ANKRD27: variants seen among roughly 807,000 people sequenced by gnomAD.
ANKRD27 encodes ankyrin repeat domain 27.
In ANKRD27, 112 loss-of-function variants were observed where a neutral mutation model predicts 129.7. The ratio of observed to expected loss-of-function variants is 0.86; its 90% confidence interval spans 0.74 to 1.01. The LOEUF is 1.01. Ranked by LOEUF, ANKRD27 falls within the 50% of genes least tolerant of loss-of-function variation. ANKRD27 has a pLI of 0.00. For missense variants in ANKRD27, 1,258 were observed against 1,300.5 expected (o/e 0.97, Z 0.50); for synonymous variants, 516 against 511.2 (o/e 1.01, Z -0.13).
At chr19:32,614,708 A>T (rs1180715706) in intron 22 of ANKRD27, among the ~76,000 whole-genome samples, 1 of 152,128 alleles carries the variant, frequency 6.6e-6, no homozygotes, top group Non-Finnish European at 1.5e-5. Flanking sequence ...TAAATAAATA[A>T]AAAGAACAAG....
chr19:32,600,264 G>T, intron 26 of ANKRD27: 1 of 428,568 alleles, frequency 2.3e-6, no homozygotes, highest in Admixed American at 3.5e-5. Context: ...CACAGGCTGG[G>T]TGCAGTGGCT....
In ANKRD27 at chr19:32,608,506, T is replaced by TAA; in HGVS notation, c.2176-675_2176-674insTT. 3 of 231,858 alleles carry TAA rather than the reference T, an allele frequency of 1.3e-5. No individual in the cohort carries two copies. The Admixed American group carries it at 1.5e-4, about 11-fold the overall frequency. 14.4% of individuals were successfully genotyped at this position (231,858 alleles called of 1,614,324 possible). Reference sequence around the variant, plus strand: ...TTTGATGATTAAAAATGTTACCTCTTTAAAAAAAAAAACTGTATGCTAAAT... The same window carrying TAA: ...TTTGATGATTAAAAATGTTACCTCTTAATAAAAAAAAAAACTGTATGCTAAAT... On this transcript the variant is annotated intron_variant, in intron 22 of 28. Coordinates refer to ENST00000306065, the MANE Select transcript of ANKRD27 (RefSeq NM_032139.3).
chr19:32,625,794 T>C, intron 17 of ANKRD27, 80 bp downstream of exon 17: 1 of 1,192,018 alleles, frequency 8.4e-7, no homozygotes, highest in Non-Finnish European at 1.1e-6. Flanking sequence ...CGACACAAAA[T>C]ACATTAATGA....
chr19:32,624,861 A>G (rs1344515442), intron 17 of ANKRD27, among the ~76,000 whole-genome samples: 1 of 152,122 alleles, frequency 6.6e-6, no homozygotes, highest in Non-Finnish European at 1.5e-5. Context: ...TTGAGCCAGG[A>G]GGCTAAGGCT....
At chr19:32,646,724 T>C in intron 3 of ANKRD27, 109 bp from the exon 4 acceptor site, 1 of 1,163,452 alleles carries the variant, frequency 8.6e-7, no homozygotes, top group Non-Finnish European at 1.2e-6. Flanking sequence ...TTCACCCCAT[T>C]GTGGGTTTGC....
intron 18 of ANKRD27, among the ~76,000 whole-genome samples, chr19:32,622,191 C>G (rs930450197): frequency 6.6e-6 from 1 of 152,220 alleles, no homozygotes; most frequent in African/African-American, 2.4e-5. Flanking sequence ...CCAGAACAAA[C>G]TCTGCCTGCA....
At chr19:32,671,266 C>T (rs11672605) in intron 1 of ANKRD27, among the ~76,000 whole-genome samples, 2,120 of 149,150 alleles carry the variant, frequency 0.014, 19 homozygotes, top group Non-Finnish European at 0.021. Flanking sequence ...CTAGCCTAGG[C>T]GACAGAGGAA....
intron 1 of ANKRD27, chr19:32,666,248 T>C (rs569217657): frequency 9.8e-4 from 149 of 152,286 alleles, no homozygotes; most frequent in African/African-American, 3.5e-3. Flanking sequence ...TTATTTTAGG[T>C]AAGGTTCTAA....
At chr19:32,615,493 A>G (rs969325969) in intron 22 of ANKRD27, among the ~76,000 whole-genome samples, 165 bp downstream of exon 22, 2 of 152,140 alleles carry the variant, frequency 1.3e-5, no homozygotes, top group Middle Eastern at 3.2e-3. Flanking sequence ...CTGAGGTGAG[A>G]GGATCATTTG....
At chr19:32,633,839 T>G (rs1440017847) in intron 12 of ANKRD27, among the ~76,000 whole-genome samples, 3 of 151,154 alleles carry the variant, frequency 2.0e-5, no homozygotes, top group Non-Finnish European at 4.4e-5. Context: ...CTGGGCAAAA[T>G]AGCGAGACCT....
chr19:32,622,814 G>C (rs1972034411), intron 17 of ANKRD27, among the ~76,000 whole-genome samples, 195 bp from the exon 18 acceptor site: 1 of 151,278 alleles, frequency 6.6e-6, no homozygotes, highest in Non-Finnish European at 1.5e-5. Context: ...ATCTCTCTCT[G>C]TTATTCAGGT....
intron 16 of ANKRD27, among the ~76,000 whole-genome samples, chr19:32,626,347 A>T (rs1206788510): frequency 6.6e-6 from 1 of 152,154 alleles, no homozygotes; most frequent in South Asian, 2.1e-4. Flanking sequence ...TTAAAAAAAT[A>T]TTTTTTGGTA....
In ANKRD27 at chr19:32,600,009, T is replaced by G. The variant is rs943655609; in HGVS notation, c.2809A>C (p.Arg937=). The change falls in exon 27 of 29, where the codon AGA becomes CGA. Residue 937 remains arginine, a synonymous_variant. Transcript: ENST00000306065. ...LYDLPDEPFT[R]QFYFVHSAGQ... is the part of the protein sequence containing the mutation. The stretch of plus-strand genomic sequence containing the variant: ...GCTGAGTGGACAAAGTAAAACTGTC[T>G]TGTAAAAGGCTCATCTGGTAGATCA... 5 of 1,613,136 alleles carry G rather than the reference T, an allele frequency of 3.1e-6. No individual in the cohort carries two copies. The African/African-American group carries it at 6.7e-5, about 22-fold the overall frequency.
At chr19:32,650,930 A>G (rs1257994797) in intron 2 of ANKRD27, among the ~76,000 whole-genome samples, 3 of 151,050 alleles carry the variant, frequency 2.0e-5, no homozygotes, top group Admixed American at 1.3e-4. Flanking sequence ...TTTTAAGTAG[A>G]GATGAGATCT....
In ANKRD27 at chr19:32,626,804, G is replaced by C; in HGVS notation, c.1444C>G (p.Leu482Val). The change falls in exon 16 of 29, where the codon CTG becomes GTG. Residue 482 changes from leucine (L) to valine (V), a missense_variant. Physicochemically the swap from Leu to Val is conservative, Grantham distance 32. Coordinates refer to ENST00000306065, the MANE Select transcript of ANKRD27 (RefSeq NM_032139.3). ...TTTACCATGGCGCCCTTGGAAACCA[G>C]GAGGTCGATGAGGGATGCCTGCCCT... ...VCGQASLIDL[L>V]VSKGAMVNAT... The C allele has an allele frequency of 6.2e-7, 1 of 1,611,112 alleles. No individual in the cohort carries two copies. The highest frequency in any genetic ancestry group is 8.5e-7 in the Non-Finnish European group (1 of 1,178,726).
intron 3 of ANKRD27, among the ~76,000 whole-genome samples, chr19:32,647,119 C>T (rs1281263679): frequency 1.3e-5 from 2 of 152,244 alleles, no homozygotes; most frequent in Non-Finnish European, 2.9e-5. Flanking sequence ...AGCCACCACA[C>T]CTGGCCCACA....
At chr19:32,656,673 T>A (rs1487191413) in intron 2 of ANKRD27, among the ~76,000 whole-genome samples, 2 of 151,560 alleles carry the variant, frequency 1.3e-5, no homozygotes, top group Non-Finnish European at 2.9e-5. Flanking sequence ...TAGTCCCAGC[T>A]ACTTGGGAGG....
At chr19:32,639,931 A>T (rs1007413397) in intron 11 of ANKRD27, among the ~76,000 whole-genome samples, 1 of 152,138 alleles carries the variant, frequency 6.6e-6, no homozygotes, top group African/African-American at 2.4e-5. Flanking sequence ...GGCTTTTCCT[A>T]GAGTTACATT....
rs769224188 is a variant in ANKRD27 at position 32,615,817 on chromosome 19, TCAG to T, written c.2053-40_2053-38del. On this transcript the variant is annotated intron_variant, in intron 21 of 28. Transcript: ENST00000306065. ...GAGTAACGGAAACAGGAACACATCC[TCAG>T]CGTCTTTGCATGCACAATATCTTAA... 7.5e-6 allele frequency: 12 copies of T among 1,600,338 alleles called. No homozygotes were observed. In the South Asian group the frequency reaches 1.3e-4, roughly 18 times the overall value.
Sources: allele counts gnomAD v4.1 joint callset (sites outside exome capture counted in the v4.1 genomes callset), GRCh38; gene constraint gnomAD v4.1.1; transcripts MANE v1.5; gene names NCBI Gene and HGNC (gene_info 2026-07-23, HGNC 2026-07-21).